MYO5C: variants seen among roughly 807,000 people sequenced by gnomAD.
MYO5C encodes myosin VC.
Under a neutral mutation model 235.7 loss-of-function variants are expected in MYO5C, and 194 were observed. That is an observed-to-expected ratio of 0.82 (90% CI 0.73 to 0.93). The LOEUF is 0.93. Ranked by LOEUF, MYO5C falls within the 40% of genes least tolerant of loss-of-function variation. The pLI is 0.00. For synonymous variants in MYO5C, 707 were observed against 754.8 expected (o/e 0.94, Z 1.04); for missense variants, 2,038 against 2,127.2 (o/e 0.96, Z 0.82).
At chr15:52,238,671 G>A (rs577392290) in intron 21 of MYO5C, among the ~76,000 whole-genome samples, 46 of 152,152 alleles carry the variant, frequency 3.0e-4, no homozygotes, top group Non-Finnish European at 1.3e-4. Context: ...ATGGAGTCTC[G>A]TTCTCTGTTG....
intron 21 of MYO5C, among the ~76,000 whole-genome samples, chr15:52,238,959 GT>G (rs2036151475): frequency 7.1e-6 from 1 of 141,570 alleles, no homozygotes; most frequent in African/African-American, 2.6e-5. Flanking sequence ...CTTTTCTTTT[GT>G]TTTTTTCTGA....
rs1419158310 is a variant in MYO5C at position 52,233,051 on chromosome 15, G to A, written c.2963-366C>T. Among the ~76,000 whole-genome samples, 4 of 13,792 alleles carry A rather than the reference G, an allele frequency of 2.9e-4. 2 individuals are homozygous for A. In the Non-Finnish European group the frequency reaches 0.014, roughly 47 times the overall value. The allele number at this position is 13,792 out of a possible 152,430, so 9.0% of individuals were successfully genotyped here. Reference sequence around the variant, plus strand: ...TCCCAGCACTTTGGGAGGCCGAGGCGGGCGGATCACGAGGTCAGGAGATCA... The same window carrying A: ...TCCCAGCACTTTGGGAGGCCGAGGCAGGCGGATCACGAGGTCAGGAGATCA... On this transcript the variant is annotated intron_variant, in intron 23 of 40. Coordinates refer to ENST00000261839, the MANE Select transcript of MYO5C (RefSeq NM_018728.4).
intron 28 of MYO5C, among the ~76,000 whole-genome samples, chr15:52,223,987 G>C (rs923857086): frequency 1.3e-5 from 2 of 152,186 alleles, no homozygotes; most frequent in Admixed American, 1.3e-4. Flanking sequence ...ACTCTTAATA[G>C]TTTAAAAAAT....
In MYO5C at chr15:52,256,737, A is replaced by T. The variant is rs765121314; in HGVS notation, c.1314-17T>A. The T allele has an allele frequency of 6.3e-7, 1 of 1,591,054 alleles. No individual in the cohort carries two copies. Among genetic ancestry groups the T allele is most frequent in the Non-Finnish European group, 8.6e-7 (1 of 1,159,990 alleles). On this transcript the variant is annotated splice_polypyrimidine_tract_variant and intron_variant, in intron 10 of 40. Transcript: ENST00000261839. The stretch of plus-strand genomic sequence containing the variant: ...GTTTCAAAACTGAAATACAATTTAA[A>T]CAAGTTAAAATATAACCTGAAGCAA...
chr15:52,211,329 A>C (rs2035437602), intron 35 of MYO5C, among the ~76,000 whole-genome samples: 1 of 152,242 alleles, frequency 6.6e-6, no homozygotes, highest in Admixed American at 6.5e-5. Flanking sequence ...GTGGACTGGG[A>C]ATAAAAATAC....
At chr15:52,211,449 A>G (rs2035439393) in intron 35 of MYO5C, among the ~76,000 whole-genome samples, 1 of 152,186 alleles carries the variant, frequency 6.6e-6, no homozygotes, top group South Asian at 2.1e-4. Flanking sequence ...GATAGAACCT[A>G]TACCCCTCAC....
chr15:52,292,686 G>A (rs571693801), intron 1 of MYO5C, among the ~76,000 whole-genome samples: 7 of 152,376 alleles, frequency 4.6e-5, no homozygotes, highest in Admixed American at 3.3e-4. Flanking sequence ...CCTGCTCACT[G>A]AAAGCTCTTG....
chr15:52,271,953 G>A (rs1196058051), intron 6 of MYO5C, 109 bp from the exon 7 acceptor site: 5 of 596,672 alleles, frequency 8.4e-6, no homozygotes, highest in Admixed American at 2.9e-5. Flanking sequence ...ATAATTCTCT[G>A]TCTGGGATGT....
intron 7 of MYO5C, among the ~76,000 whole-genome samples, chr15:52,271,497 G>A (rs2036924410): frequency 6.6e-6 from 1 of 152,100 alleles, no homozygotes; most frequent in South Asian, 2.1e-4. Context: ...CCAAAGTGCT[G>A]GGATTACAGG....
At chr15:52,204,835 TC>T in intron 38 of MYO5C, 29 bp downstream of exon 38, 1 of 1,606,390 alleles carries the variant, frequency 6.2e-7, no homozygotes, top group Non-Finnish European at 8.5e-7. Flanking sequence ...TGCAGGCCTC[TC>T]CGCGTGAGCG....
intron 1 of MYO5C, 29 bp downstream of exon 1, chr15:52,295,581 G>C: frequency 1.3e-6 from 2 of 1,500,126 alleles, no homozygotes; most frequent in Non-Finnish European, 1.8e-6. Flanking sequence ...CCCCCACAGC[G>C]CTCCCAGGAG....
intron 5 of MYO5C, among the ~76,000 whole-genome samples, chr15:52,274,404 A>G (rs2036993066): frequency 6.6e-6 from 1 of 152,078 alleles, no homozygotes. Flanking sequence ...CAGCCTCTTG[A>G]GTAGCTGGGA....
intron 9 of MYO5C, 100 bp downstream of exon 9, chr15:52,264,090 C>A (rs2036750978): frequency 1.2e-6 from 1 of 843,094 alleles, no homozygotes; most frequent in Admixed American, 2.7e-5. Flanking sequence ...ACCCAGGAGG[C>A]CGACTATATC....
intron 23 of MYO5C, among the ~76,000 whole-genome samples, 177 bp from the exon 24 acceptor site, chr15:52,232,862 C>G (rs1420441646): frequency 6.6e-6 from 1 of 151,958 alleles, no homozygotes; most frequent in Non-Finnish European, 1.5e-5. Flanking sequence ...GAGGGGGTTT[C>G]AAAATAATAA....
chr15:52,242,473 C>T (rs187983032), intron 19 of MYO5C: 8 of 425,420 alleles, frequency 1.9e-5, no homozygotes, highest in East Asian at 7.8e-5. Context: ...CCCACAGAGA[C>T]GATGATGAGA....
At chr15:52,277,061 C>T in intron 4 of MYO5C, 1 of 468,968 alleles carries the variant, frequency 2.1e-6, no homozygotes, top group Admixed American at 2.4e-5. Flanking sequence ...GGATACAGAG[C>T]CCCGGTCCAA....
At chr15:52,257,605 T>C (rs758034131) in intron 10 of MYO5C, among the ~76,000 whole-genome samples, 3 of 152,192 alleles carry the variant, frequency 2.0e-5, no homozygotes, top group Non-Finnish European at 4.4e-5. Context: ...TGCTGAGCAC[T>C]TTTAAGGTGT....
intron 28 of MYO5C, 105 bp from the exon 29 acceptor site, chr15:52,223,829 A>G: frequency 9.9e-7 from 1 of 1,006,192 alleles, no homozygotes; most frequent in Non-Finnish European, 1.4e-6. Context: ...TGCACGAAGT[A>G]CATCAAGTTT....
Position 52,229,193 on chromosome 15 carries a change from C to T in MYO5C, c.3147G>A (p.Gly1049=). The change falls in exon 25 of 41, where the codon GGG becomes GGA. Residue 1049 remains glycine, a synonymous_variant. Coordinates refer to ENST00000261839, the MANE Select transcript of MYO5C (RefSeq NM_018728.4). ...EKMQLQHLVE[G]EHVTSDGLKA... ...TCAAGCCATCAGAAGTGACGTGCTC[C>T]CCCTCCACCAGGTGTTGGAGTTGCA... 2 of 1,614,230 alleles carry T rather than the reference C, an allele frequency of 1.2e-6. No homozygotes were observed. Among genetic ancestry groups the T allele is most frequent in the Non-Finnish European group, 1.7e-6 (2 of 1,180,048 alleles).
Sources: allele counts gnomAD v4.1 joint callset (sites outside exome capture counted in the v4.1 genomes callset), GRCh38; gene constraint gnomAD v4.1.1; transcripts MANE v1.5; gene names NCBI Gene and HGNC (gene_info 2026-07-23, HGNC 2026-07-21).